The following THSD4 variants were observed in gnomAD, a reference collection of about 807,000 sequenced individuals.
THSD4 encodes thrombospondin type 1 domain containing 4.
THSD4 carries 69 observed loss-of-function variants against 119.0 expected under a neutral mutation model. The ratio of observed to expected loss-of-function variants is 0.58; its 90% confidence interval spans 0.48 to 0.71. The LOEUF (loss-of-function observed/expected upper bound fraction) is 0.71. Ranked by LOEUF, THSD4 falls within the 30% of genes least tolerant of loss-of-function variation. The probability of loss-of-function intolerance (pLI) is 0.00; values close to 1 mark genes in which losing one functional copy is unlikely to be tolerated. For synonymous variants in THSD4, 524 were observed against 540.4 expected, an observed-to-expected ratio of 0.97 and a Z score of 0.42; for missense variants, 1,393 against 1,391.1, an observed-to-expected ratio of 1.00 and a Z score of -0.02.
rs1206392142 is a variant in THSD4, at chr15:71,532,006, T to TC, written c.1152+120186dup. ...TGCAAGGTCAGTTTTTCCAGTTTTT[T>TC]CCCGTACTTTCTCCAAGTCCTCAGA... On this transcript the variant is annotated intron_variant, in intron 7 of 17. Coordinates refer to ENST00000261862, the MANE Select transcript of THSD4 (RefSeq NM_024817.3). 2.0e-5 allele frequency among the ~76,000 whole-genome samples: 3 copies of TC among 152,114 alleles called. 1 individual carries two copies. The highest frequency in any genetic ancestry group is 7.2e-5 in the African/African-American group (3 of 41,410).
chr15:71,584,152 T>C (rs145129248), intron 7 of THSD4, among the ~76,000 whole-genome samples: 1,773 of 152,146 alleles, frequency 0.012, 33 homozygotes, highest in African/African-American at 0.039. Context: ...TATCATCATA[T>C]AATGATTTTC....
At chr15:71,275,737 C>T (rs1056157394) in intron 6 of THSD4, among the ~76,000 whole-genome samples, 1 of 152,022 alleles carries the variant, frequency 6.6e-6, no homozygotes, top group Non-Finnish European at 1.5e-5. Context: ...GGCAGTTACC[C>T]CTTGCTGCTG....
chr15:71,393,367 C>T (rs1198176896), intron 6 of THSD4, among the ~76,000 whole-genome samples: 1 of 152,004 alleles, frequency 6.6e-6, no homozygotes, highest in Non-Finnish European at 1.5e-5. Flanking sequence ...TCACAGTTTC[C>T]ATCTTTTGGT....
chr15:71,643,952 G>A (rs1222905085), intron 7 of THSD4, among the ~76,000 whole-genome samples: 6 of 152,314 alleles, frequency 3.9e-5, no homozygotes, highest in African/African-American at 1.2e-4. Context: ...ACACGTAGGC[G>A]TATACTGTGG....
chr15:71,566,651 G>A (rs2049245420), intron 7 of THSD4, among the ~76,000 whole-genome samples: 1 of 152,078 alleles, frequency 6.6e-6, no homozygotes, highest in African/African-American at 2.4e-5. Context: ...GCAAGATTGT[G>A]TTGGATATAA....
At chr15:71,348,582 T>C (rs1403714971) in intron 6 of THSD4, 3 of 152,258 alleles carry the variant, frequency 2.0e-5, no homozygotes, top group Admixed American at 1.3e-4. Flanking sequence ...AGCTCTTAGT[T>C]GTGTTCAGAG....
intron 6 of THSD4, among the ~76,000 whole-genome samples, chr15:71,323,898 G>A (rs937091211): frequency 2.0e-5 from 3 of 152,152 alleles, no homozygotes; most frequent in Non-Finnish European, 4.4e-5. Context: ...TGATATAAAT[G>A]TATCATTCTG....
At chr15:71,671,298 G>T (rs188709947) in intron 8 of THSD4, among the ~76,000 whole-genome samples, 2 of 152,282 alleles carry the variant, frequency 1.3e-5, no homozygotes, top group East Asian at 3.9e-4. Context: ...AGAAGTGTCT[G>T]TTCATATCCT....
intron 7 of THSD4, among the ~76,000 whole-genome samples, chr15:71,489,827 T>G (rs898323377): frequency 0.011 from 2 of 188 alleles, no homozygotes; most frequent in Admixed American, 0.5. Context: ...TTTTAAACAT[T>G]TTTTTTTTTC....
chr15:71,332,892 A>ATTTTTTTTTTTTTTTT lies in THSD4; in HGVS notation c.1015+76178_1015+76193dup. ...TCTTAAAACATTGAGATTTTTTTAC[A>ATTTTTTTTTTTTTTTT]TTTTTTTTTTTTTTTTAGTTCATCA... is the stretch of plus-strand genomic sequence containing the variant. On this transcript the variant is annotated intron_variant, in intron 6 of 17. Transcript: ENST00000261862. Among the ~76,000 whole-genome samples, 340 of 76,960 alleles carry ATTTTTTTTTTTTTTTT rather than the reference A, an allele frequency of 4.4e-3. 50 individuals carry two copies. The highest frequency in any genetic ancestry group is 7.2e-3 in the Non-Finnish European group (278 of 38,834). The allele number at this position is 76,960 out of a possible 152,430, so 50.5% of individuals were successfully genotyped here. A position where few individuals can be genotyped will look rare whatever the true frequency, so the allele number is the denominator to read the frequency against.
intron 7 of THSD4, among the ~76,000 whole-genome samples, chr15:71,488,236 T>G (rs2047853276): frequency 6.6e-6 from 1 of 152,224 alleles, no homozygotes; most frequent in African/African-American, 2.4e-5. Flanking sequence ...CTTAAACTTA[T>G]TTATATGGTG....
intron 7 of THSD4, among the ~76,000 whole-genome samples, chr15:71,564,305 C>T (rs1224049793): frequency 6.6e-6 from 1 of 152,178 alleles, no homozygotes. Context: ...AGTGTGAAAA[C>T]TGTTGTACTG....
chr15:71,496,085 C>T (rs1174184952), intron 7 of THSD4, among the ~76,000 whole-genome samples: 1 of 152,266 alleles, frequency 6.6e-6, no homozygotes, highest in East Asian at 1.9e-4. Context: ...AAATACCATC[C>T]TTTGGTTTCT....
chr15:71,700,699 A>T (rs1333379660), intron 8 of THSD4, among the ~76,000 whole-genome samples: 2 of 152,160 alleles, frequency 1.3e-5, no homozygotes, highest in African/African-American at 4.8e-5. Flanking sequence ...CACGTGGGGA[A>T]GGAACAGGGA....
intron 6 of THSD4, among the ~76,000 whole-genome samples, chr15:71,321,882 G>C (rs909245462): frequency 1.3e-4 from 19 of 151,756 alleles, no homozygotes; most frequent in African/African-American, 3.9e-4. Context: ...TTCAATATGG[G>C]CAAAAAATTT....
intron 7 of THSD4, among the ~76,000 whole-genome samples, chr15:71,552,522 C>G (rs546536806): frequency 6.6e-6 from 1 of 152,332 alleles, no homozygotes; most frequent in South Asian, 2.1e-4. Flanking sequence ...CTTTGCCTTT[C>G]TTTTTCTAGT....
intron 1 of THSD4, among the ~76,000 whole-genome samples, chr15:71,103,441 T>C (rs1483991750): frequency 6.6e-6 from 1 of 152,096 alleles, no homozygotes; most frequent in African/African-American, 2.4e-5. Flanking sequence ...TGACTTAAGC[T>C]CCCTACTCTC....
At chr15:71,245,507 G>T (rs1168402003) in intron 5 of THSD4, among the ~76,000 whole-genome samples, 4 of 152,146 alleles carry the variant, frequency 2.6e-5, no homozygotes, top group Non-Finnish European at 4.4e-5. Context: ...ACAGCCAAAG[G>T]ATTGAATAAA....
chr15:71,117,371 G>A (rs1286811659), intron 1 of THSD4, among the ~76,000 whole-genome samples: 1 of 152,088 alleles, frequency 6.6e-6, no homozygotes, highest in East Asian at 1.9e-4. Context: ...AAAACTTGTG[G>A]AGATTGCAAT....
Sources: gnomAD v4.1 joint callset for allele counts (sites outside exome capture counted in the v4.1 genomes callset) on GRCh38, gnomAD v4.1.1 for gene constraint, MANE v1.5 for transcripts, NCBI Gene and HGNC (gene_info 2026-07-23, HGNC 2026-07-21) for gene names.